The following DIAPH2 variants were observed in gnomAD, a reference collection of about 807,000 sequenced individuals.
DIAPH2 encodes protein diaphanous homolog 2.
In DIAPH2, 35 loss-of-function variants were observed where a neutral mutation model predicts 92.7. The ratio of observed to expected loss-of-function variants is 0.38; its 90% CI spans 0.29 to 0.50. The LOEUF is 0.50. Among genes scored for constraint, DIAPH2 ranks in the 20% least tolerant of loss-of-function variants. The pLI is 0.94. For synonymous variants in DIAPH2, 301 were observed against 280.4 expected (o/e 1.07, Z -0.73); for missense variants, 701 against 819.5 (o/e 0.86, Z 1.77).
At position 97,560,200 on chromosome X, in the gene DIAPH2, A is replaced by T. The variant is rs141059874; in HGVS notation, c.3242-39053A>T. Among the ~76,000 whole-genome samples the T allele has an allele frequency of 9.6e-3, 1,081 of 112,144 alleles. 14 individuals carry two copies. Among genetic ancestry groups the T allele is most frequent in the African/African-American group, 0.033 (1,026 of 30,840 alleles). On this transcript the variant is annotated intron_variant, in intron 26 of 26. Coordinates refer to ENST00000324765, the MANE Select transcript of DIAPH2 (RefSeq NM_006729.5). ...GTTTTTACTCATTTGCCATTTGATC[A>T]TTTCCCATCTGTATACAAGACTTTA...
chrX:96,884,473 C>T (rs2065243699), intron 5 of DIAPH2: 1 of 1,211,550 alleles, frequency 8.3e-7, no homozygotes, highest in Non-Finnish European at 1.1e-6. Context: ...GAACCAGCTT[C>T]TCAGCTCTAC....
At chrX:97,229,844 T>TATATATA (rs1171170176) in intron 22 of DIAPH2, among the ~76,000 whole-genome samples, 2 of 101,959 alleles carry the variant, frequency 2.0e-5, no homozygotes, top group Admixed American at 1.1e-4. Flanking sequence ...TACATCTTAT[T>TATATATA]ATATATAACA....
At chrX:96,912,604 C>T (rs1230082440) in intron 7 of DIAPH2, 52 bp downstream of exon 7, 1 of 1,106,697 alleles carries the variant, frequency 9.0e-7, no homozygotes. Context: ...ACTTGCCCAA[C>T]ACTATGAAAG....
At chrX:96,731,278 G>A (rs1480680117) in intron 1 of DIAPH2, among the ~76,000 whole-genome samples, 2 of 111,492 alleles carry the variant, frequency 1.8e-5, no homozygotes, top group East Asian at 5.6e-4. Flanking sequence ...TTCAGCTGAA[G>A]TGAAGGTTGT....
chrX:97,010,775 CAT>C (rs2066220005), intron 17 of DIAPH2, among the ~76,000 whole-genome samples: 1 of 112,042 alleles, frequency 8.9e-6, no homozygotes, highest in Admixed American at 9.4e-5. Context: ...TCTAAGATGA[CAT>C]ATAGATCTTT....
chrX:97,152,584 A>G (rs1003702481), intron 22 of DIAPH2, among the ~76,000 whole-genome samples: 2 of 112,017 alleles, frequency 1.8e-5, no homozygotes, highest in Non-Finnish European at 3.8e-5. Context: ...CTGTCATCCC[A>G]TGGCGGAAGG....
intron 1 of DIAPH2, among the ~76,000 whole-genome samples, chrX:96,704,536 T>A (rs2063872851): frequency 8.9e-6 from 1 of 111,853 alleles, no homozygotes; most frequent in Non-Finnish European, 1.9e-5. Context: ...GGAACAATCT[T>A]CTGAAGCATC....
intron 22 of DIAPH2, among the ~76,000 whole-genome samples, chrX:97,218,478 A>G (rs1356248823): frequency 8.9e-6 from 1 of 111,761 alleles, no homozygotes; most frequent in Admixed American, 9.5e-5. Context: ...ATATGTAACA[A>G]GTTATTGGAA....
intron 17 of DIAPH2, among the ~76,000 whole-genome samples, chrX:97,013,287 C>T (rs2066239461): frequency 9.0e-6 from 1 of 111,711 alleles, no homozygotes; most frequent in Non-Finnish European, 1.9e-5. Context: ...AGACTGGGAC[C>T]ATGAGCCTTT....
chrX:97,121,777 C>A (rs2067060218), intron 21 of DIAPH2, among the ~76,000 whole-genome samples: 1 of 111,293 alleles, frequency 9.0e-6, no homozygotes, highest in African/African-American at 3.3e-5. Context: ...AATTTAAAAC[C>A]AAAGATATTT....
intron 5 of DIAPH2, among the ~76,000 whole-genome samples, chrX:96,893,190 G>A (rs1004899594): frequency 7.2e-5 from 8 of 111,706 alleles, no homozygotes; most frequent in Non-Finnish European, 1.3e-4. Context: ...TTCTACTTCC[G>A]TAAGACAAAG....
At chrX:97,083,480 C>G (rs982364003) in intron 19 of DIAPH2, among the ~76,000 whole-genome samples, 3 of 111,586 alleles carry the variant, frequency 2.7e-5, no homozygotes. Flanking sequence ...TTTGGCACTA[C>G]TGATGTTTTG....
intron 4 of DIAPH2, among the ~76,000 whole-genome samples, chrX:96,802,442 ATACTC>A (rs1453130127): frequency 2.7e-5 from 3 of 112,365 alleles, no homozygotes; most frequent in Admixed American, 9.5e-5. Context: ...AATAAATAGA[ATACTC>A]TAGTATACTG....
intron 26 of DIAPH2, among the ~76,000 whole-genome samples, chrX:97,580,040 G>A (rs1185627613): frequency 8.9e-6 from 1 of 111,911 alleles, no homozygotes; most frequent in African/African-American, 3.3e-5. Flanking sequence ...CTTTGCTGAA[G>A]TTGCCTGTCA....
intron 22 of DIAPH2, among the ~76,000 whole-genome samples, chrX:97,168,120 T>C (rs937115838): frequency 2.8e-5 from 3 of 107,493 alleles, no homozygotes; most frequent in Non-Finnish European, 3.8e-5. Flanking sequence ...AATCTCACTC[T>C]GTCACTCATG....
chrX:97,557,026 G>A (rs1217973228), intron 26 of DIAPH2, among the ~76,000 whole-genome samples: 5 of 111,739 alleles, frequency 4.5e-5, no homozygotes, highest in African/African-American at 6.5e-5. Flanking sequence ...GGAGTTCATC[G>A]ATTAATTCAT....
chrX:96,766,149 A>C (rs897956175), intron 4 of DIAPH2, among the ~76,000 whole-genome samples: 5 of 110,647 alleles, frequency 4.5e-5, no homozygotes, highest in Non-Finnish European at 9.4e-5. Flanking sequence ...ACAGGTAAAC[A>C]GAATAAAGAT....
At chrX:97,173,175 C>T (rs1423545927) in intron 22 of DIAPH2, among the ~76,000 whole-genome samples, 2 of 112,068 alleles carry the variant, frequency 1.8e-5, no homozygotes, top group Admixed American at 1.9e-4. Context: ...CCAAGGTGGG[C>T]GGATCATTTG....
chrX:97,069,049 G>C (rs1033476413), intron 17 of DIAPH2, among the ~76,000 whole-genome samples: 31 of 110,935 alleles, frequency 2.8e-4, no homozygotes, highest in African/African-American at 9.5e-4. Flanking sequence ...TGCAACCTCC[G>C]CCTCCCGGGT....
Sources: gnomAD v4.1 joint callset for allele counts (sites outside exome capture counted in the v4.1 genomes callset) on GRCh38, gnomAD v4.1.1 for gene constraint, MANE v1.5 for transcripts, NCBI Gene and HGNC (gene_info 2026-07-23, HGNC 2026-07-21) for gene names.